Variants in KNG1 observed in about 807,000 individuals in gnomAD.
KNG1 encodes kininogen 1.
KNG1 carries 23 observed loss-of-function variants against 47.8 expected under a neutral mutation model. The observed-to-expected ratio is 0.48, with a 90% CI of 0.35 to 0.68. The LOEUF (loss-of-function observed/expected upper bound fraction) is 0.68, where lower values mean the gene tolerates loss of function less well. KNG1 is among the 30% of genes least tolerant of loss of function. The pLI, the probability that KNG1 is intolerant of heterozygous loss-of-function variation, is 0.01. For missense variants in KNG1, 762 were observed against 790.2 expected (o/e 0.96, Z 0.43); for synonymous variants, 277 against 277.0 (o/e 1.00, Z 0.00).
At position 186,717,717 on chromosome 3, in the gene KNG1, A is replaced by G; in HGVS notation, c.175A>G (p.Ile59Val). The G allele has an allele frequency of 1.9e-6, 3 of 1,612,804 alleles. No individual in the cohort carries two copies. Among genetic ancestry groups the G allele is most frequent in the Non-Finnish European group, 2.5e-6 (3 of 1,179,646 alleles). Residue 59 changes from isoleucine (I) to valine (V), a missense_variant, in exon 1 of 10, where the codon ATA becomes GTA. Transcript: ENST00000644859. ...QSNNQFVLYRITEATKTVGSD... is the reference protein window; with the variant it reads ...QSNNQFVLYRVTEATKTVGSD... ...TAACAACCAGTTTGTATTGTACCGC[A>G]TAACTGAAGCCACTAAGACGGTGAG...
Position 186,731,531 on chromosome 3 carries a change from T to C in KNG1, c.673-14T>C. 2 of 1,573,290 alleles carry C rather than the reference T, an allele frequency of 1.3e-6. No individual in the cohort carries two copies. Among genetic ancestry groups the C allele is most frequent in the Non-Finnish European group, 1.7e-6 (2 of 1,142,976 alleles). On this transcript the variant is annotated splice_polypyrimidine_tract_variant and intron_variant, in intron 5 of 9. Transcript: ENST00000644859. ...TGTTTTTAACTGAGCACTTATATGC[T>C]TTTTAAAAACCAGGATACCGGTGAA...
intron 5 of KNG1, chr3:186,728,514 T>TA (rs1306816076): frequency 6.6e-6 from 1 of 151,956 alleles, no homozygotes; most frequent in Admixed American, 6.6e-5. Flanking sequence ...CAATGTTAAG[T>TA]AAAAAACAAA....
Position 186,731,758 on chromosome 3 carries a change from A to T in KNG1, c.757+129A>T, listed in dbSNP as rs187420728. On this transcript the variant is annotated intron_variant, in intron 6 of 9. Coordinates refer to ENST00000644859, the MANE Select transcript of KNG1 (RefSeq NM_001102416.3). ...CAAAGTCTGTGTAACCTGCAGACACAGATGCACCCCTTGATGAGAACACTG... is the reference window on the plus strand; with the variant it reads ...CAAAGTCTGTGTAACCTGCAGACACTGATGCACCCCTTGATGAGAACACTG... The T allele has an allele frequency of 1.7e-4, 118 of 703,056 alleles. 2 individuals are homozygous for T. Among genetic ancestry groups the T allele is most frequent in the East Asian group, 1.1e-3 (39 of 36,610 alleles). 43.6% of individuals were successfully genotyped at this position (703,056 alleles called of 1,614,324 possible).
chr3:186,725,028 A>G, intron 3 of KNG1, 60 bp from the exon 4 acceptor site: 2 of 1,571,060 alleles, frequency 1.3e-6, no homozygotes, highest in Non-Finnish European at 1.7e-6. Flanking sequence ...TGTTTAGGGC[A>G]GTGTATGCGA....
chr3:186,741,362 A>AATT (rs1720805797), intron 9 of KNG1, among the ~76,000 whole-genome samples, 160 bp from the exon 10 acceptor site: 1 of 152,316 alleles, frequency 6.6e-6, no homozygotes, highest in African/African-American at 2.4e-5. Context: ...AGACAAAAAA[A>AATT]ATTATTCATC....
At chr3:186,721,001 G>A (rs1720179933) in intron 2 of KNG1, among the ~76,000 whole-genome samples, 1 of 151,994 alleles carries the variant, frequency 6.6e-6, no homozygotes, top group Non-Finnish European at 1.5e-5. Context: ...GTGTTAGCCA[G>A]GATGGTCTCA....
chr3:186,721,473 C>T (rs1333694193), intron 2 of KNG1: 1 of 152,246 alleles, frequency 6.6e-6, no homozygotes, highest in Non-Finnish European at 1.5e-5. Context: ...AACAATTAAA[C>T]AGCTGCCTAT....
intron 5 of KNG1, among the ~76,000 whole-genome samples, chr3:186,730,703 TATATATATATATAC>T (rs1353002796): frequency 6.7e-4 from 66 of 98,050 alleles, no homozygotes; most frequent in African/African-American, 2.5e-3. Context: ...TATATATATA[TATATATATATATAC>T]ACACACACAC....
At chr3:186,735,070 G>C (rs1484649206) in intron 7 of KNG1, among the ~76,000 whole-genome samples, 1 of 152,164 alleles carries the variant, frequency 6.6e-6, no homozygotes, top group African/African-American at 2.4e-5. Flanking sequence ...ATATGACCAC[G>C]TTAGGTTTAC....
At chr3:186,730,068 T>C (rs1560065537) in intron 5 of KNG1, among the ~76,000 whole-genome samples, 1 of 152,298 alleles carries the variant, frequency 6.6e-6, no homozygotes, top group East Asian at 1.9e-4. Context: ...CCTCTGTTTT[T>C]AAATTATGAA....
intron 5 of KNG1, among the ~76,000 whole-genome samples, chr3:186,730,436 T>A (rs1187675889): frequency 6.6e-6 from 1 of 151,484 alleles, no homozygotes; most frequent in Non-Finnish European, 1.5e-5. Flanking sequence ...GGTGGATCAC[T>A]TGAGATCAGG....
chr3:186,735,191 TAAGA>T (rs1429147678), intron 7 of KNG1, among the ~76,000 whole-genome samples: 66 of 152,136 alleles, frequency 4.3e-4, no homozygotes, highest in Admixed American at 4.3e-3. Context: ...TGTTGTTTTT[TAAGA>T]GAGACGCGGG....
Position 186,742,236 on chromosome 3 carries a change from T to C in KNG1, c.1840T>C (p.Cys614Arg), listed in dbSNP as rs1348966998. ...SDFPDTTSPK[C>R]PGRPWKSVSE... ...TTTTCCAGACACGACCTCCCCAAAATGTCCTGGACGCCCCTGGAAGTCAGT... is the reference window on the plus strand; with the variant it reads ...TTTTCCAGACACGACCTCCCCAAAACGTCCTGGACGCCCCTGGAAGTCAGT... The change falls in exon 10 of 10, where the codon TGT becomes CGT. Residue 614 changes from cysteine (C) to arginine (R), a missense_variant. Coordinates refer to ENST00000644859, the MANE Select transcript of KNG1 (RefSeq NM_001102416.3). The C allele has an allele frequency of 1.9e-6, 3 of 1,614,062 alleles. No homozygotes were observed. The African/African-American group carries it at 4.0e-5, about 22-fold the overall frequency.
chr3:186,730,672 AAAAAAAAAAAAATATATATAT>A (rs1291909769), intron 5 of KNG1, among the ~76,000 whole-genome samples: 12 of 21,388 alleles, frequency 5.6e-4, no homozygotes, highest in African/African-American at 2.4e-3. Context: ...AAAAAAAAAA[AAAAAAAAAAAAATATATATAT>A]ATATATATAT....
chr3:186,720,034 C>G, intron 1 of KNG1, 71 bp from the exon 2 acceptor site: 1 of 925,368 alleles, frequency 1.1e-6, no homozygotes, highest in South Asian at 1.3e-5. Flanking sequence ...CCTAACTTTA[C>G]CGGAACCCAC....
In KNG1 at chr3:186,718,738, G is replaced by A. The variant is rs1720100947; in HGVS notation, c.195+1001G>A. 2.0e-5 allele frequency among the ~76,000 whole-genome samples: 3 copies of A among 152,202 alleles called. No homozygotes were observed. In the South Asian group the frequency reaches 6.2e-4, roughly 32 times the overall value. ...TTAATGGGAGGGGGTACTTCATGGG[G>A]CATGTCTAAGAGGAGTGAGGAATGA... is the stretch of plus-strand genomic sequence containing the variant. On this transcript the variant is annotated intron_variant, in intron 1 of 9. Coordinates refer to ENST00000644859, the MANE Select transcript of KNG1 (RefSeq NM_001102416.3).
chr3:186,721,775 G>A (rs938576074), intron 2 of KNG1: 10 of 152,900 alleles, frequency 6.5e-5, no homozygotes, highest in African/African-American at 2.4e-4. Context: ...GGAGTGTTTA[G>A]CAGGCTGGTT....
rs143107315 is a variant in KNG1 at position 186,729,951 on chromosome 3, C to T, written c.673-1594C>T. On this transcript the variant is annotated intron_variant, in intron 5 of 9. Transcript: ENST00000644859. ...CCTCCCAAAGTGACTTATCACACAG[C>T]ACCTGGCTATGTTTGTTTATTATTC... is the stretch of plus-strand genomic sequence containing the variant. Among the ~76,000 whole-genome samples, 467 of 152,294 alleles carry T rather than the reference C, an allele frequency of 3.1e-3. 5 individuals are homozygous for T. The highest frequency in any genetic ancestry group is 8.2e-3 in the African/African-American group (340 of 41,562).
chr3:186,726,800 G>C (rs1720384914), intron 4 of KNG1, among the ~76,000 whole-genome samples: 1 of 152,070 alleles, frequency 6.6e-6, no homozygotes, highest in Non-Finnish European at 1.5e-5. Flanking sequence ...TTGGTAACCT[G>C]GGAGCCTGAG....
Sources: gnomAD v4.1 joint callset for allele counts (sites outside exome capture counted in the v4.1 genomes callset) on GRCh38, gnomAD v4.1.1 for gene constraint, MANE v1.5 for transcripts, NCBI Gene and HGNC (gene_info 2026-07-23, HGNC 2026-07-21) for gene names.